CACNA1D: variants seen among roughly 807,000 people sequenced by gnomAD.
CACNA1D encodes the protein voltage-dependent L-type calcium channel subunit alpha-1D.
A neutral mutation model predicts 257.1 loss-of-function variants in CACNA1D; 55 were observed. The ratio of observed to expected loss-of-function variants is 0.21; its 90% CI spans 0.17 to 0.27. The LOEUF (loss-of-function observed/expected upper bound fraction) is 0.27. CACNA1D is among the 10% of genes least tolerant of loss of function. The pLI is 1.00. For missense variants in CACNA1D, 1,876 were observed against 2,784.0 expected (o/e 0.67, Z 7.34); for synonymous variants, 980 against 1,014.9 (o/e 0.97, Z 0.65).
At chr3:53,801,478 G>A (rs747091000) in intron 42 of CACNA1D, 53 bp downstream of exon 42, 149 of 1,606,400 alleles carry the variant, frequency 9.3e-5, no homozygotes, top group Admixed American at 1.3e-4. Context: ...CCCGTGTTGC[G>A]TCTAGTCCCA....
At chr3:53,735,584 G>C in intron 20 of CACNA1D, 81 bp downstream of exon 20, 1 of 1,520,604 alleles carries the variant, frequency 6.6e-7, no homozygotes, top group Non-Finnish European at 9.0e-7. Context: ...GGGAGCTGTG[G>C]AGGCCCTCAA....
chr3:53,549,748 T>C (rs2092490717), intron 3 of CACNA1D, among the ~76,000 whole-genome samples: 1 of 152,240 alleles, frequency 6.6e-6, no homozygotes, highest in Non-Finnish European at 1.5e-5. Context: ...TTTTCCTTCA[T>C]ATTCACCATT....
At chr3:53,553,720 G>C (rs1466910491) in intron 3 of CACNA1D, among the ~76,000 whole-genome samples, 1 of 151,878 alleles carries the variant, frequency 6.6e-6, no homozygotes, top group Non-Finnish European at 1.5e-5. Flanking sequence ...CCAGACATAG[G>C]CTCCAGATTC....
At position 53,672,758 on chromosome 3, in the gene CACNA1D, C is replaced by CTGTGTGTGTGTG. The variant is rs57956658; in HGVS notation, c.1117-215_1117-204dup. Among the ~76,000 whole-genome samples, 154 of 95,078 alleles carry CTGTGTGTGTGTG rather than the reference C, an allele frequency of 1.6e-3. 4 individuals carry two copies. Among genetic ancestry groups the CTGTGTGTGTGTG allele is most frequent in the East Asian group, 2.6e-3 (9 of 3,466 alleles). The allele number at this position is 95,078 out of a possible 152,430, so 62.4% of individuals were successfully genotyped here. On this transcript the variant is annotated intron_variant, in intron 7 of 47. Transcript: ENST00000350061. The stretch of plus-strand genomic sequence containing the variant: ...ATTCGGCCTGAAAGCCTTGATGACT[C>CTGTGTGTGTGTG]TGTGTGTGTGTGTGTGTGTGTGTGT...
chr3:53,603,449 G>T (rs2093469980), intron 3 of CACNA1D, among the ~76,000 whole-genome samples: 1 of 152,178 alleles, frequency 6.6e-6, no homozygotes, highest in African/African-American at 2.4e-5. Context: ...ACCCCTTGGG[G>T]TTGTTGTGAG....
intron 7 of CACNA1D, among the ~76,000 whole-genome samples, chr3:53,670,745 A>G (rs2094314896): frequency 6.6e-6 from 1 of 152,196 alleles, no homozygotes; most frequent in African/African-American, 2.4e-5. Flanking sequence ...AGTTTTTTAA[A>G]AATTAGTCTA....
intron 3 of CACNA1D, among the ~76,000 whole-genome samples, chr3:53,565,792 A>G (rs529043581): frequency 6.6e-6 from 1 of 152,338 alleles, no homozygotes; most frequent in East Asian, 1.9e-4. Flanking sequence ...TTGGTCTTAA[A>G]TAGCTGATAT....
chr3:53,619,949 C>T (rs1024372591), intron 3 of CACNA1D, among the ~76,000 whole-genome samples: 1 of 152,150 alleles, frequency 6.6e-6, no homozygotes, highest in Non-Finnish European at 1.5e-5. Flanking sequence ...AGAAAAGATA[C>T]CTCTTAGGCT....
At chr3:53,782,744 A>C (rs896066193) in intron 39 of CACNA1D, 2 of 152,248 alleles carry the variant, frequency 1.3e-5, no homozygotes, top group Admixed American at 1.3e-4. Flanking sequence ...ATGGCCCAGA[A>C]AGAAATGATA....
chr3:53,638,971 G>C (rs1035921523), intron 3 of CACNA1D, among the ~76,000 whole-genome samples: 7 of 152,216 alleles, frequency 4.6e-5, no homozygotes, highest in African/African-American at 1.4e-4. Context: ...GAGTCCAGGT[G>C]AGAGCTGGCA....
intron 3 of CACNA1D, among the ~76,000 whole-genome samples, chr3:53,598,644 A>G (rs1161182200): frequency 2.6e-5 from 4 of 152,032 alleles, no homozygotes; most frequent in Non-Finnish European, 4.4e-5. Flanking sequence ...GCTTGGTTTG[A>G]AACTGCCATT....
chr3:53,570,875 T>C (rs994754655), intron 3 of CACNA1D, among the ~76,000 whole-genome samples: 1 of 152,220 alleles, frequency 6.6e-6, no homozygotes, highest in African/African-American at 2.4e-5. Context: ...AAAAGTGAGC[T>C]TGGAGCTGGG....
rs866877345 is a variant in CACNA1D at position 53,565,032 on chromosome 3, A to G, written c.483+63312A>G. On this transcript the variant is annotated intron_variant, in intron 3 of 47. Transcript: ENST00000350061. ...TAGGGGCCCAGTTTAATTTTTTTCC[A>G]TGTGGATTATCAGTGTTTCAGCACA... Among the ~76,000 whole-genome samples, 4 of 152,126 alleles carry G rather than the reference A, an allele frequency of 2.6e-5. No homozygotes were observed. In the South Asian group the frequency reaches 6.2e-4, roughly 24 times the overall value.
chr3:53,496,662 A>G (rs1237145413), intron 1 of CACNA1D, among the ~76,000 whole-genome samples: 1 of 152,104 alleles, frequency 6.6e-6, no homozygotes, highest in Non-Finnish European at 1.5e-5. Context: ...TGGCTGTGGA[A>G]AGATGTTGGA....
At chr3:53,760,643 C>A (rs1377219052) in intron 29 of CACNA1D, among the ~76,000 whole-genome samples, 1 of 152,206 alleles carries the variant, frequency 6.6e-6, no homozygotes, top group Admixed American at 6.5e-5. Flanking sequence ...AGACCACAGG[C>A]ACTCATTTAG....
chr3:53,626,445 G>A (rs931592525), intron 3 of CACNA1D, among the ~76,000 whole-genome samples: 2 of 152,202 alleles, frequency 1.3e-5, no homozygotes, highest in Non-Finnish European at 2.9e-5. Flanking sequence ...GCACACAGGA[G>A]GGCAAGAGGG....
At chr3:53,797,184 C>A (rs1487388982) in intron 40 of CACNA1D, among the ~76,000 whole-genome samples, 1 of 152,096 alleles carries the variant, frequency 6.6e-6, no homozygotes, top group Admixed American at 6.6e-5. Flanking sequence ...TTGGGAGCAG[C>A]CTAAGCTACC....
intron 3 of CACNA1D, among the ~76,000 whole-genome samples, chr3:53,649,161 C>A (rs2094059080): frequency 6.6e-6 from 1 of 152,142 alleles, no homozygotes; most frequent in African/African-American, 2.4e-5. Context: ...ACAGGCAAGG[C>A]TTCCATTTAA....
rs779207160 is a variant in CACNA1D at position 53,651,366 on chromosome 3, C to CTTTTTTTTTTTTTT, written c.623+457_623+470dup. 3.3e-3 allele frequency among the ~76,000 whole-genome samples: 268 copies of CTTTTTTTTTTTTTT among 81,830 alleles called. 34 individuals are homozygous for CTTTTTTTTTTTTTT. Among genetic ancestry groups the CTTTTTTTTTTTTTT allele is most frequent in the East Asian group, 7.9e-3 (20 of 2,532 alleles). 53.7% of individuals were successfully genotyped at this position (81,830 alleles called of 152,430 possible). ...TCCCTTGAGCAAAGCTATTAATTTT[C>CTTTTTTTTTTTTTT]TTTTTTTTTTTTTTTTTTTTTTGCT... On this transcript the variant is annotated intron_variant, in intron 4 of 47. Transcript: ENST00000350061.
Sources: allele counts gnomAD v4.1 joint callset (sites outside exome capture counted in the v4.1 genomes callset), GRCh38; gene constraint gnomAD v4.1.1; transcripts MANE v1.5; gene names NCBI Gene and HGNC (gene_info 2026-07-23, HGNC 2026-07-21).